Variants in CSMD3 observed in about 807,000 individuals in gnomAD.
The protein encoded by CSMD3 is CUB and sushi domain-containing protein 3.
Under a neutral mutation model 435.2 loss-of-function variants are expected in CSMD3, and 177 were observed. The observed-to-expected ratio is 0.41, with a 90% CI of 0.36 to 0.46. The LOEUF (loss-of-function observed/expected upper bound fraction) is 0.46. CSMD3 is among the 20% of genes least tolerant of loss of function. The pLI is 0.34. For missense variants in CSMD3, 4,265 were observed against 4,504.6 expected (o/e 0.95, Z 1.52); for synonymous variants, 1,656 against 1,520.5 (o/e 1.09, Z -2.07).
chr8:112,495,562 A>G (rs1234299930), intron 30 of CSMD3, among the ~76,000 whole-genome samples: 1 of 152,302 alleles, frequency 6.6e-6, no homozygotes, highest in East Asian at 1.9e-4. Flanking sequence ...CTTGGTGAAT[A>G]GTTTTCTATG....
At position 112,287,130 on chromosome 8, in the gene CSMD3, G is replaced by A. The variant is rs754162249; in HGVS notation, c.9265C>T (p.His3089Tyr). The A allele has an allele frequency of 6.2e-7, 1 of 1,613,770 alleles. No homozygotes were observed. The highest frequency in any genetic ancestry group is 1.1e-5 in the South Asian group (1 of 91,086). The stretch of plus-strand genomic sequence containing the variant: ...AAACATGTTCTTTCTTCTGAGCCAT[G>A]AAGGATGTAACCAGTATCACAAGCA... ...RYACDTGYIL[H>Y]GSEERTCLAN... Residue 3089 changes from histidine (H) to tyrosine (Y), a missense_variant, in exon 58 of 71, where the codon CAT becomes TAT. His to Tyr is a moderately conservative substitution (Grantham distance 83). Around this residue, in one of 3 missense-constraint regions of CSMD3, gnomAD observed 3,255 missense variants for 3,380.2 expected, o/e 0.96. Coordinates refer to ENST00000297405, the MANE Select transcript of CSMD3 (RefSeq NM_198123.2).
chr8:113,251,287 A>G (rs2093332908), intron 3 of CSMD3, among the ~76,000 whole-genome samples: 1 of 152,116 alleles, frequency 6.6e-6, no homozygotes, highest in Non-Finnish European at 1.5e-5. Flanking sequence ...AAAGAATTTC[A>G]TACATGAAAG....
chr8:113,203,035 A>G (rs1167352977), intron 3 of CSMD3, among the ~76,000 whole-genome samples: 1 of 152,146 alleles, frequency 6.6e-6, no homozygotes, highest in East Asian at 1.9e-4. Context: ...GAATTGAAAA[A>G]TAAGTTCTAG....
At chr8:112,437,260 C>T (rs894207280) in intron 32 of CSMD3, among the ~76,000 whole-genome samples, 8 of 152,044 alleles carry the variant, frequency 5.3e-5, no homozygotes, top group Admixed American at 2.0e-4. Flanking sequence ...CAACATGTTC[C>T]ACATGTTTCT....
At chr8:112,296,071 ATGTGG>A in intron 53 of CSMD3, 65 bp from the exon 54 acceptor site, 22 of 1,288,582 alleles carry the variant, frequency 1.7e-5, no homozygotes, top group Non-Finnish European at 2.4e-5. Context: ...ATTTATATAC[ATGTGG>A]AACATGAGCA....
intron 3 of CSMD3, among the ~76,000 whole-genome samples, chr8:113,255,733 A>G (rs2093374337): frequency 6.6e-6 from 1 of 152,022 alleles, no homozygotes; most frequent in Non-Finnish European, 1.5e-5. Flanking sequence ...TTAGATTTTG[A>G]ATCTGAAAAT....
At chr8:112,232,806 C>G (rs984109387) in intron 68 of CSMD3, among the ~76,000 whole-genome samples, 2 of 152,136 alleles carry the variant, frequency 1.3e-5, no homozygotes, top group Non-Finnish European at 2.9e-5. Context: ...TTCAGAACCA[C>G]TTGCCCCTCT....
At chr8:113,129,117 T>G (rs2091218327) in intron 4 of CSMD3, among the ~76,000 whole-genome samples, 1 of 152,150 alleles carries the variant, frequency 6.6e-6, no homozygotes, top group Non-Finnish European at 1.5e-5. Context: ...AAATGCATAA[T>G]GAAGATTGGA....
chr8:113,400,634 T>C (rs1298641899), intron 1 of CSMD3, among the ~76,000 whole-genome samples: 1 of 151,892 alleles, frequency 6.6e-6, no homozygotes, highest in African/African-American at 2.4e-5. Context: ...ATGGATTGGA[T>C]AGCAATAGCT....
intron 32 of CSMD3, among the ~76,000 whole-genome samples, chr8:112,419,229 G>C (rs1812224643): frequency 6.6e-6 from 1 of 152,104 alleles, no homozygotes; most frequent in Non-Finnish European, 1.5e-5. Context: ...GCGTTATGCT[G>C]ATTTAGCATT....
At chr8:112,661,821 A>T (rs546029420) in intron 17 of CSMD3, among the ~76,000 whole-genome samples, 5 of 152,010 alleles carry the variant, frequency 3.3e-5, no homozygotes, top group Non-Finnish European at 5.9e-5. Flanking sequence ...GTTTGATAAA[A>T]AATAATAATA....
chr8:112,856,328 T>A (rs759780157), intron 11 of CSMD3, among the ~76,000 whole-genome samples: 1 of 151,940 alleles, frequency 6.6e-6, no homozygotes, highest in Non-Finnish European at 1.5e-5. Flanking sequence ...TGATTAGTAA[T>A]AATAACTTAA....
At chr8:113,285,556 G>T (rs1487291130) in intron 2 of CSMD3, among the ~76,000 whole-genome samples, 1 of 152,080 alleles carries the variant, frequency 6.6e-6, no homozygotes, top group Admixed American at 6.5e-5. Flanking sequence ...ACCCCGCCCC[G>T]CCAGTTGGTG....
chr8:112,471,859 G>T (rs1818557130), intron 32 of CSMD3, among the ~76,000 whole-genome samples: 1 of 152,128 alleles, frequency 6.6e-6, no homozygotes, highest in Admixed American at 6.6e-5. Context: ...TGAACTTTCA[G>T]CCTCTCTCTC....
At chr8:112,454,052 A>T (rs1816571364) in intron 32 of CSMD3, among the ~76,000 whole-genome samples, 3 of 152,238 alleles carry the variant, frequency 2.0e-5, no homozygotes, top group African/African-American at 4.8e-5. Context: ...CCATTTGAAC[A>T]AGAATAAAAT....
At chr8:112,594,195 G>A (rs553742054) in intron 22 of CSMD3, among the ~76,000 whole-genome samples, 1 of 152,300 alleles carries the variant, frequency 6.6e-6, no homozygotes, top group Admixed American at 6.5e-5. Flanking sequence ...GCGAGGCATT[G>A]CCTCACTTGG....
At chr8:113,265,989 A>G (rs2093467420) in intron 3 of CSMD3, among the ~76,000 whole-genome samples, 1 of 151,488 alleles carries the variant, frequency 6.6e-6, no homozygotes, top group Non-Finnish European at 1.5e-5. Flanking sequence ...CTTTTTATGA[A>G]CCTAACCTAA....
At chr8:113,057,067 C>T (rs1052970042) in intron 5 of CSMD3, among the ~76,000 whole-genome samples, 6 of 152,134 alleles carry the variant, frequency 3.9e-5, no homozygotes, top group African/African-American at 1.4e-4. Context: ...TGCCTTTCCT[C>T]AAAATGGCTC....
intron 4 of CSMD3, among the ~76,000 whole-genome samples, chr8:113,116,549 G>A (rs2090834452): frequency 1.3e-5 from 2 of 152,110 alleles, no homozygotes; most frequent in African/African-American, 4.8e-5. Flanking sequence ...TTGGTACAGG[G>A]AGCGGGGCAC....
Sources: allele counts gnomAD v4.1 joint callset (sites outside exome capture counted in the v4.1 genomes callset), GRCh38; gene constraint gnomAD v4.1.1; regional missense constraint gnomAD v4.1.1; transcripts MANE v1.5; gene names NCBI Gene and HGNC (gene_info 2026-07-23, HGNC 2026-07-21).